FCHO1: variants seen among roughly 807,000 people sequenced by gnomAD.
FCHO1 encodes the protein F-BAR domain only protein 1.
FCHO1 carries 45 observed loss-of-function variants against 114.4 expected under a neutral mutation model. The observed-to-expected ratio is 0.39, with a 90% CI of 0.31 to 0.50. The LOEUF is 0.50. Ranked by LOEUF, FCHO1 falls within the 20% of genes least tolerant of loss-of-function variation. FCHO1 has a pLI of 0.77. For missense variants in FCHO1, 1,042 were observed against 1,209.6 expected (o/e 0.86, Z 2.06); for synonymous variants, 480 against 488.9 (o/e 0.98, Z 0.24).
chr19:17,774,055 C>A (rs574758883), intron 11 of FCHO1, among the ~76,000 whole-genome samples, 184 bp from the exon 12 acceptor site: 1 of 152,060 alleles, frequency 6.6e-6, no homozygotes, highest in African/African-American at 2.4e-5. Flanking sequence ...GGATTACAGG[C>A]GCCTGCCACC....
chr19:17,757,540 C>T (rs900633752), intron 4 of FCHO1, among the ~76,000 whole-genome samples: 5 of 152,130 alleles, frequency 3.3e-5, no homozygotes, highest in East Asian at 1.9e-4. Context: ...GCCAGAGAGA[C>T]GAAGTCACCA....
At chr19:17,757,264 A>C (rs1031803225) in intron 4 of FCHO1, among the ~76,000 whole-genome samples, 14 of 151,552 alleles carry the variant, frequency 9.2e-5, no homozygotes, top group African/African-American at 3.4e-4. Context: ...GGTGGGAGAG[A>C]CAGACCTGAG....
chr19:17,771,015 A>G (rs2091341169), intron 9 of FCHO1, 119 bp downstream of exon 9: 11 of 811,152 alleles, frequency 1.4e-5, no homozygotes, highest in Admixed American at 5.0e-5. Context: ...GCACTTTGGG[A>G]GGCCGAGGCG....
chr19:17,770,259 C>G (rs897543255), intron 7 of FCHO1, among the ~76,000 whole-genome samples, 166 bp from the exon 8 acceptor site: 1 of 152,126 alleles, frequency 6.6e-6, no homozygotes, highest in African/African-American at 2.4e-5. Context: ...CGAGATCGTG[C>G]CACTGCACTC....
At chr19:17,781,680 G>C (rs201554914) in intron 22 of FCHO1, 32 bp from the exon 23 acceptor site, 1 of 1,564,946 alleles carries the variant, frequency 6.4e-7, no homozygotes, top group Admixed American at 1.7e-5. Flanking sequence ...CTGTCTATCC[G>C]TTGTTCCCCA....
At chr19:17,762,093 C>T (rs910138907) in intron 4 of FCHO1, among the ~76,000 whole-genome samples, 1 of 151,830 alleles carries the variant, frequency 6.6e-6, no homozygotes, top group African/African-American at 2.4e-5. Flanking sequence ...TCAAGCAATC[C>T]TCCTGCCTCA....
intron 19 of FCHO1, 168 bp from the exon 20 acceptor site, chr19:17,778,441 A>G (rs2092929618): frequency 3.6e-6 from 3 of 838,568 alleles, no homozygotes; most frequent in African/African-American, 1.7e-5. Context: ...TGGGCCGGAC[A>G]TTTGTGGAGA....
intron 20 of FCHO1, among the ~76,000 whole-genome samples, chr19:17,779,818 T>C (rs1409736109): frequency 6.7e-6 from 1 of 150,322 alleles, no homozygotes; most frequent in East Asian, 2.0e-4. Context: ...GGACCCTGAG[T>C]GTGGGGAAGG....
In FCHO1 at chr19:17,778,145, A is replaced by G. The variant is rs146717245; in HGVS notation, c.1268A>G (p.Glu423Gly). The change falls in exon 19 of 29, where the codon GAG becomes GGG. Residue 423 changes from glutamate (E) to glycine (G), a missense_variant. Coordinates refer to ENST00000596536, the MANE Select transcript of FCHO1 (RefSeq NM_015122.3). ...RSAPRTSSCA[E>G]RLQSEEQVSK... is the part of the protein sequence containing the mutation. ...GGCCTCACCCTCTCTAGCTGTGCAGAGAGATTGCAGTCAGAGGAGCAGGTG... is the reference window on the plus strand; with the variant it reads ...GGCCTCACCCTCTCTAGCTGTGCAGGGAGATTGCAGTCAGAGGAGCAGGTG... 3.6e-3 allele frequency: 5,752 copies of G among 1,613,524 alleles called. 20 individuals are homozygous for G. The highest frequency in any genetic ancestry group is 4.6e-3 in the Non-Finnish European group (5,434 of 1,179,614).
chr19:17,775,831 G>A lies in FCHO1; in HGVS notation c.1004-152G>A. On this transcript the variant is annotated intron_variant, in intron 15 of 28. Coordinates refer to ENST00000596536, the MANE Select transcript of FCHO1 (RefSeq NM_015122.3). This position sits in a 1 kb window ranked among gnomAD's most constrained non-coding sequence, Gnocchi z 5.1. The stretch of plus-strand genomic sequence containing the variant: ...TCGGGGGGGGTGGGAGTGCTGGTGG[G>A]ACATGGTGTCAGGACTGAAGGTGGC... The A allele has an allele frequency of 1.2e-6, 1 of 864,926 alleles. No individual in the cohort carries two copies. Among genetic ancestry groups the A allele is most frequent in the Non-Finnish European group, 1.8e-6 (1 of 569,554 alleles). 53.6% of individuals were successfully genotyped at this position (864,926 alleles called of 1,614,324 possible).
At chr19:17,778,088 T>C in intron 18 of FCHO1, 49 bp from the exon 19 acceptor site, 1 of 1,410,898 alleles carries the variant, frequency 7.1e-7, no homozygotes, top group East Asian at 2.3e-5. Flanking sequence ...CAGGGTGGGA[T>C]GAGGCTTGGG....
chr19:17,768,544 T>C (rs896090998), intron 7 of FCHO1, among the ~76,000 whole-genome samples: 1 of 151,310 alleles, frequency 6.6e-6, no homozygotes, highest in East Asian at 2.0e-4. Context: ...ACACAAAAAT[T>C]AGCCAGACGT....
chr19:17,786,332 CA>C (rs961169127), intron 26 of FCHO1, among the ~76,000 whole-genome samples: 4 of 124,904 alleles, frequency 3.2e-5, no homozygotes, highest in African/African-American at 9.5e-5. Flanking sequence ...GACACCATCT[CA>C]AAAAAACACA....
chr19:17,780,077 C>A (rs564221728), intron 20 of FCHO1, among the ~76,000 whole-genome samples: 1 of 151,918 alleles, frequency 6.6e-6, no homozygotes, highest in African/African-American at 2.4e-5. Context: ...GCTCCTGGCA[C>A]CCTCCATAGG....
chr19:17,770,644 T>C, intron 8 of FCHO1, 67 bp downstream of exon 8: 1 of 1,582,126 alleles, frequency 6.3e-7, no homozygotes, highest in Non-Finnish European at 8.6e-7. Context: ...GATCAGAGAG[T>C]GGAAACACAT....
intron 20 of FCHO1, among the ~76,000 whole-genome samples, chr19:17,779,967 G>A (rs1040673314): frequency 5.3e-5 from 8 of 151,772 alleles, no homozygotes; most frequent in Admixed American, 1.3e-4. Context: ...GGAGAGCGGC[G>A]GGATGGGCTC....
intron 4 of FCHO1, among the ~76,000 whole-genome samples, chr19:17,757,605 T>C (rs1336722185): frequency 1.3e-5 from 2 of 152,146 alleles, no homozygotes; most frequent in Non-Finnish European, 2.9e-5. Flanking sequence ...TTTGAAAATA[T>C]AATTCCAAAC....
In FCHO1 at chr19:17,770,419, C is replaced by G. The variant is rs1323911346; in HGVS notation, c.337-6C>G. 1.2e-6 allele frequency: 2 copies of G among 1,606,344 alleles called. No homozygotes were observed. Among genetic ancestry groups the G allele is most frequent in the African/African-American group, 1.3e-5 (1 of 74,900 alleles). On this transcript the variant is annotated splice_region_variant and splice_polypyrimidine_tract_variant and intron_variant, in intron 7 of 28. Transcript: ENST00000596536. ...TCTACCCATGAAATCCCCTCCTACC[C>G]CGCAGTGCAAGGAGGAAGTGGTGAG...
In FCHO1 at chr19:17,776,643, G is replaced by A. The variant is rs1421466978; in HGVS notation, c.1216G>A (p.Ala406Thr). ...AGGTGCATCTCTTGTAGGGGACGCTGCTGGGAAACCCCAGAGACCTCGGTC... is the reference window on the plus strand; with the variant it reads ...AGGTGCATCTCTTGTAGGGGACGCTACTGGGAAACCCCAGAGACCTCGGTC... ...TMKRHSSRDA[A>T]GKPQRPRSAP... The change falls in exon 18 of 29, where the codon GCT becomes ACT. Residue 406 changes from alanine (A) to threonine (T), a missense_variant. Transcript: ENST00000596536. The surrounding 1 kb of genome is among the most constrained non-coding windows in gnomAD (Gnocchi z 4.4). 6.2e-7 allele frequency: 1 copy of A among 1,613,958 alleles called. No homozygotes were observed.
Sources: allele counts gnomAD v4.1 joint callset (sites outside exome capture counted in the v4.1 genomes callset), GRCh38; gene constraint gnomAD v4.1.1; non-coding constraint Gnocchi (gnomAD v3.1); transcripts MANE v1.5; gene names NCBI Gene and HGNC (gene_info 2026-07-23, HGNC 2026-07-21).